ACAD10: variants seen among roughly 807,000 people sequenced by gnomAD.
ACAD10 encodes the protein acyl-CoA dehydrogenase family member 10, also known as ACAD-10.
A neutral mutation model predicts 116.8 loss-of-function variants in ACAD10; 112 were observed. That is an observed-to-expected ratio of 0.96 (90% CI 0.82 to 1.12). The LOEUF (loss-of-function observed/expected upper bound fraction) is 1.12. Ranked by LOEUF, ACAD10 falls within the 50% of genes most tolerant of loss-of-function variation. The probability of loss-of-function intolerance (pLI) is 0.00; values close to 1 mark genes in which losing one functional copy is unlikely to be tolerated. For missense variants in ACAD10, 1,259 were observed against 1,350.2 expected, an observed-to-expected ratio of 0.93 and a Z score of 1.06; for synonymous variants, 486 against 510.6, an observed-to-expected ratio of 0.95 and a Z score of 0.65.
intron 20 of ACAD10, chr12:111,755,953 G>A (rs1172888940): frequency 5.8e-6 from 4 of 695,498 alleles, no homozygotes; most frequent in South Asian, 5.4e-5. Flanking sequence ...GAGGAAACAG[G>A]CACAGAAAAG....
chr12:111,729,481 G>A (rs1007679387), intron 9 of ACAD10, among the ~76,000 whole-genome samples: 10 of 151,904 alleles, frequency 6.6e-5, no homozygotes, highest in African/African-American at 2.2e-4. Context: ...TCCTGCCTGC[G>A]TTGGCCTCCC....
rs144392023 is a variant in ACAD10, at chr12:111,741,352, G to A, written c.1715-3291G>A. 1.8e-3 allele frequency among the ~76,000 whole-genome samples: 267 copies of A among 152,174 alleles called. 1 individual carries two copies. Among genetic ancestry groups the A allele is most frequent in the African/African-American group, 6.0e-3 (251 of 41,532 alleles). On this transcript the variant is annotated intron_variant, in intron 12 of 20. Coordinates refer to ENST00000313698, the MANE Select transcript of ACAD10 (RefSeq NM_025247.6). ...TGGTCACCTCTGATATTTCCTAGCC[G>A]GCTGCCAAGTTTTCTCCCTGCTCTG...
At chr12:111,705,541 T>G (rs1339575118) in intron 3 of ACAD10, among the ~76,000 whole-genome samples, 197 bp from the exon 4 acceptor site, 1 of 152,224 alleles carries the variant, frequency 6.6e-6, no homozygotes, top group African/African-American at 2.4e-5. Context: ...TAGTCCTGGA[T>G]AACTTTTAAA....
At chr12:111,716,080 TA>T (rs1860074086) in intron 7 of ACAD10, 118 bp downstream of exon 7, 3 of 1,412,774 alleles carry the variant, frequency 2.1e-6, no homozygotes, top group Non-Finnish European at 2.9e-6. Context: ...AAACTACAAT[TA>T]TGGGCCAGGC....
Position 111,746,304 on chromosome 12 carries a change from C to A in ACAD10, c.2256+20C>A. 1 of 1,606,732 alleles carries A rather than the reference C, an allele frequency of 6.2e-7. No individual in the cohort carries two copies. Among genetic ancestry groups the A allele is most frequent in the African/African-American group, 1.3e-5 (1 of 74,508 alleles). ...CCCGAGGTACCTTCTTTAAAGTTTT[C>A]CTCAGTGTGTGGGAACATCCTGATC... On this transcript the variant is annotated intron_variant, in intron 14 of 20. Coordinates refer to ENST00000313698, the MANE Select transcript of ACAD10 (RefSeq NM_025247.6).
chr12:111,731,848 G>C (rs668774), intron 10 of ACAD10, among the ~76,000 whole-genome samples: 54,379 of 152,050 alleles, frequency 0.36, 14,251 homozygotes, highest in East Asian at 0.9. Flanking sequence ...TTTGGGAGGC[G>C]AAAGCGGGCA....
chr12:111,727,869 A>G lies in ACAD10; in HGVS notation c.1062-93A>G, dbSNP rs1000706057. On this transcript the variant is annotated intron_variant, in intron 8 of 20. Transcript: ENST00000313698. ...AACTCTTCACCAGCTCTCAACCTGTATACCCAGGGAAAGTGACAAAGAATA... is the reference window on the plus strand; with the variant it reads ...AACTCTTCACCAGCTCTCAACCTGTGTACCCAGGGAAAGTGACAAAGAATA... 5.3e-6 allele frequency: 7 copies of G among 1,311,594 alleles called. No homozygotes were observed. The African/African-American group carries it at 8.9e-5, about 17-fold the overall frequency. The allele number at this position is 1,311,594 out of a possible 1,614,324, so 81.2% of individuals were successfully genotyped here. A position where few individuals can be genotyped will look rare whatever the true frequency, so the allele number is the denominator to read the frequency against.
chr12:111,715,646 T>C (rs767190935), intron 6 of ACAD10, 175 bp from the exon 7 acceptor site: 3 of 747,316 alleles, frequency 4.0e-6, no homozygotes, highest in African/African-American at 3.5e-5. Flanking sequence ...GTTGGCGGAG[T>C]GTAGACCTGG....
At chr12:111,711,431 G>T (rs1002678391) in intron 5 of ACAD10, among the ~76,000 whole-genome samples, 1 of 151,898 alleles carries the variant, frequency 6.6e-6, no homozygotes, top group South Asian at 2.1e-4. Flanking sequence ...TCGATCTCTC[G>T]ATCTCCTGAC....
At position 111,692,835 on chromosome 12, in the gene ACAD10, C is replaced by G; in HGVS notation, c.126C>G (p.Tyr42Ter). 1 of 1,614,208 alleles carries G rather than the reference C, an allele frequency of 6.2e-7. No individual in the cohort carries two copies. Among genetic ancestry groups the G allele is most frequent in the Non-Finnish European group, 8.5e-7 (1 of 1,180,044 alleles). Residue 42 changes from tyrosine to a stop codon, truncating the protein, a stop_gained, in exon 2 of 21, where the codon TAC becomes TAG. Transcript: ENST00000313698. LOFTEE classifies it high-confidence loss of function. ...HRWTHLGGST[Y>*]RAVIFDMGGV... ...GGACACACCTTGGAGGCAGCACCTA[C>G]AGAGCGGTGATTTTCGACATGGGCG... is the stretch of plus-strand genomic sequence containing the variant.
intron 6 of ACAD10, among the ~76,000 whole-genome samples, chr12:111,714,840 G>A (rs181076110): frequency 6.6e-6 from 1 of 152,008 alleles, no homozygotes; most frequent in Non-Finnish European, 1.5e-5. Flanking sequence ...AGCCTCCCGA[G>A]TAGCTGGGAT....
At chr12:111,689,566 G>A (rs1159435259) in intron 1 of ACAD10, among the ~76,000 whole-genome samples, 3 of 151,468 alleles carry the variant, frequency 2.0e-5, no homozygotes, top group East Asian at 3.9e-4. Context: ...TAGTAGAGAC[G>A]GGGCTTCACA....
intron 2 of ACAD10, among the ~76,000 whole-genome samples, chr12:111,697,396 C>T (rs796228580): frequency 3.4e-5 from 5 of 147,144 alleles, no homozygotes; most frequent in African/African-American, 1.0e-4. Context: ...AGCATCATTC[C>T]ATTGCCCAGG....
At chr12:111,703,743 C>T (rs1888417295) in intron 3 of ACAD10, among the ~76,000 whole-genome samples, 1 of 151,958 alleles carries the variant, frequency 6.6e-6, no homozygotes. Context: ...GAGGCTGAGG[C>T]AGGAGAATTG....
intron 1 of ACAD10, chr12:111,690,521 A>C (rs1888007965): frequency 6.6e-6 from 1 of 152,042 alleles, no homozygotes; most frequent in African/African-American, 2.4e-5. Context: ...GCCGTGACTC[A>C]CACCTGTAAT....
intron 1 of ACAD10, 128 bp from the exon 2 acceptor site, chr12:111,692,569 G>A: frequency 1.1e-6 from 1 of 879,310 alleles, no homozygotes; most frequent in South Asian, 1.7e-5. Context: ...GGTCAGTTGT[G>A]GGTGTGATTC....
rs768367514 is a variant in ACAD10 at position 111,753,897 on chromosome 12, G to C, written c.2943G>C (p.Met981Ile). The change falls in exon 19 of 21, where the codon ATG (methionine) becomes ATC (isoleucine). Residue 981 changes from methionine (M) to isoleucine (I), a missense_variant. Physicochemically the swap from Met to Ile is conservative, Grantham distance 10. Transcript: ENST00000313698. The part of the protein sequence containing the change: ...RLLVLRAAHL[M>I]DLAGNKAAAL... ...TGGTGCTGAGAGCTGCCCACCTCAT[G>C]GACCTGGCAGGAAACAAGGTAGGGG... 1 of 1,607,066 alleles carries C rather than the reference G, an allele frequency of 6.2e-7. No individual in the cohort carries two copies. The highest frequency in any genetic ancestry group is 1.1e-5 in the South Asian group (1 of 90,886).
In ACAD10 at chr12:111,736,825, T is replaced by G; in HGVS notation, c.1541-6T>G. ...CTACCCATGAATGGCTCTGTCTTTC[T>G]CGCAGGTATTAATGACTGTGACTTG... is the stretch of plus-strand genomic sequence containing the variant. On this transcript the variant is annotated splice_polypyrimidine_tract_variant and splice_region_variant and intron_variant, in intron 11 of 20. Coordinates refer to ENST00000313698, the MANE Select transcript of ACAD10 (RefSeq NM_025247.6). The G allele has an allele frequency of 1.9e-6, 3 of 1,610,736 alleles. No homozygotes were observed. Among genetic ancestry groups the G allele is most frequent in the Non-Finnish European group, 2.5e-6 (3 of 1,178,506 alleles).
At chr12:111,690,394 T>G (rs1593010066) in intron 1 of ACAD10, 1 of 152,264 alleles carries the variant, frequency 6.6e-6, no homozygotes, top group East Asian at 1.9e-4. Context: ...ACGTGTGGAA[T>G]TTTTCATTGT....
Sources: gnomAD v4.1 joint callset for allele counts (sites outside exome capture counted in the v4.1 genomes callset) on GRCh38, gnomAD v4.1.1 for gene constraint, MANE v1.5 for transcripts, NCBI Gene and HGNC (gene_info 2026-07-23, HGNC 2026-07-21) for gene names.